The following NRG1 variants were observed in gnomAD, a reference collection of about 807,000 sequenced individuals.
The protein encoded by NRG1 is pro-neuregulin-1, membrane-bound isoform.
NRG1 carries 18 observed loss-of-function variants against 63.8 expected under a neutral mutation model. The observed-to-expected ratio is 0.28, with a 90% confidence interval of 0.19 to 0.42. The LOEUF (loss-of-function observed/expected upper bound fraction) is 0.42, where lower values mean the gene tolerates loss of function less well. Ranked by LOEUF, NRG1 falls within the 10% of genes least tolerant of loss-of-function variation. The pLI is 1.00. For missense variants in NRG1, 762 were observed against 814.7 expected (o/e 0.94, Z 0.79); for synonymous variants, 302 against 301.3 (o/e 1.00, Z -0.02).
chr8:32,407,287 ATATATAT>A (rs1302281405), intron 1 of NRG1, among the ~76,000 whole-genome samples: 1 of 12,882 alleles, frequency 7.8e-5, no homozygotes, highest in African/African-American at 1.6e-4. Context: ...ATATATATAT[ATATATAT>A]TATATATATA....
chr8:32,640,317 TA>T (rs1215478864), intron 5 of NRG1, among the ~76,000 whole-genome samples: 1 of 148,836 alleles, frequency 6.7e-6, no homozygotes, highest in African/African-American at 2.5e-5. Flanking sequence ...TATTTGCATT[TA>T]CTCACACTGG....
intron 1 of NRG1, among the ~76,000 whole-genome samples, chr8:31,831,281 T>C (rs914560836): frequency 6.6e-6 from 1 of 152,062 alleles, no homozygotes; most frequent in Non-Finnish European, 1.5e-5. Flanking sequence ...TTTTTTGTTT[T>C]TAGTAAAGAG....
intron 1 of NRG1, among the ~76,000 whole-genome samples, chr8:32,577,134 G>A (rs181014193): frequency 6.6e-6 from 1 of 152,270 alleles, no homozygotes; most frequent in Non-Finnish European, 1.5e-5. Flanking sequence ...CATCCCTGTT[G>A]CTACACAGGA....
chr8:32,306,061 G>GTTCAATAATAA (rs1406700287), intron 1 of NRG1, among the ~76,000 whole-genome samples: 1 of 152,142 alleles, frequency 6.6e-6, no homozygotes, highest in Non-Finnish European at 1.5e-5. Context: ...GAGTGCCTGT[G>GTTCAATAATAA]TTCAATAAAT....
intron 1 of NRG1, among the ~76,000 whole-genome samples, chr8:31,813,155 A>G (rs900226755): frequency 6.6e-6 from 1 of 152,238 alleles, no homozygotes; most frequent in Non-Finnish European, 1.5e-5. Context: ...TGTTAGTATT[A>G]TACCTTTTGC....
chr8:31,900,828 C>A (rs1171509587), intron 1 of NRG1, among the ~76,000 whole-genome samples: 1 of 152,158 alleles, frequency 6.6e-6, no homozygotes, highest in Non-Finnish European at 1.5e-5. Flanking sequence ...TGCTTCACTG[C>A]GTCTTATCTT....
intron 1 of NRG1, among the ~76,000 whole-genome samples, chr8:31,941,880 G>T (rs1246574845): frequency 6.6e-6 from 1 of 152,092 alleles, no homozygotes; most frequent in Non-Finnish European, 1.5e-5. Flanking sequence ...ACTGCTGAAA[G>T]AAATCATAGA....
At chr8:32,110,566 G>T (rs1343532001) in intron 1 of NRG1, among the ~76,000 whole-genome samples, 1 of 152,088 alleles carries the variant, frequency 6.6e-6, no homozygotes, top group African/African-American at 2.4e-5. Flanking sequence ...TTTTTCTAAT[G>T]ATGACCCTGA....
intron 1 of NRG1, among the ~76,000 whole-genome samples, chr8:32,366,172 C>G (rs1807948733): frequency 1.3e-5 from 2 of 152,030 alleles, no homozygotes; most frequent in Admixed American, 1.3e-4. Context: ...TATCCTTCAC[C>G]TTGAACATTT....
intron 5 of NRG1, among the ~76,000 whole-genome samples, chr8:32,635,909 C>G (rs1851255309): frequency 6.6e-6 from 1 of 152,096 alleles, no homozygotes; most frequent in East Asian, 1.9e-4. Context: ...TATGGGGGAT[C>G]TAGGTGTACA....
At chr8:31,877,498 T>C (rs2129612298) in intron 1 of NRG1, among the ~76,000 whole-genome samples, 1 of 152,164 alleles carries the variant, frequency 6.6e-6, no homozygotes, top group South Asian at 2.1e-4. Context: ...TGTGTGTGTG[T>C]ATGAAATAGA....
chr8:32,134,781 C>T (rs765436987), intron 1 of NRG1, among the ~76,000 whole-genome samples: 2 of 151,998 alleles, frequency 1.3e-5, no homozygotes, highest in Non-Finnish European at 2.9e-5. Context: ...CTTTTAGAGG[C>T]TAAGGTGGGA....
chr8:32,760,592 C>T, intron 11 of NRG1, 186 bp downstream of exon 11: 1 of 1,400,494 alleles, frequency 7.1e-7, no homozygotes. Flanking sequence ...TTCTGAGCTT[C>T]TCTCGTCGTC....
intron 1 of NRG1, among the ~76,000 whole-genome samples, chr8:32,583,912 C>T (rs112751543): frequency 7.9e-5 from 12 of 152,308 alleles, no homozygotes; most frequent in African/African-American, 1.7e-4. Context: ...TGACTTCTTT[C>T]GTGTAACATG....
intron 1 of NRG1, among the ~76,000 whole-genome samples, chr8:31,904,620 TC>T (rs1199676732): frequency 6.6e-6 from 1 of 152,104 alleles, no homozygotes; most frequent in Non-Finnish European, 1.5e-5. Context: ...AGACATGGAA[TC>T]AACCTAAATG....
chr8:32,681,080 C>T (rs1252503049), intron 5 of NRG1, among the ~76,000 whole-genome samples: 1 of 152,100 alleles, frequency 6.6e-6, no homozygotes. Flanking sequence ...GCTGGCCAAA[C>T]ATAGTGACTT....
intron 5 of NRG1, among the ~76,000 whole-genome samples, chr8:32,625,473 T>C (rs528811918): frequency 1.6e-4 from 25 of 152,228 alleles, no homozygotes; most frequent in Non-Finnish European, 3.2e-4. Flanking sequence ...TACCAAACTT[T>C]AAAGAGCTTT....
At chr8:32,024,301 G>C (rs959794904) in intron 1 of NRG1, among the ~76,000 whole-genome samples, 1 of 152,206 alleles carries the variant, frequency 6.6e-6, no homozygotes, top group African/African-American at 2.4e-5. Context: ...GTTGCAAAGT[G>C]AGCCTTTGAG....
intron 1 of NRG1, among the ~76,000 whole-genome samples, chr8:32,044,478 T>G (rs549089705): frequency 6.6e-6 from 1 of 152,044 alleles, no homozygotes; most frequent in Non-Finnish European, 1.5e-5. Flanking sequence ...TTTCTCACTC[T>G]ACTCCAAAAC....
Sources: allele counts gnomAD v4.1 joint callset (sites outside exome capture counted in the v4.1 genomes callset), GRCh38; gene constraint gnomAD v4.1.1; transcripts MANE v1.5; gene names NCBI Gene and HGNC (gene_info 2026-07-23, HGNC 2026-07-21).